Variants in EYS observed in about 807,000 individuals in gnomAD.
EYS encodes the protein protein eyes shut homolog.
A neutral mutation model predicts 282.1 loss-of-function variants in EYS; 250 were observed. The observed-to-expected ratio is 0.89, with a 90% CI of 0.80 to 0.98. The LOEUF (loss-of-function observed/expected upper bound fraction) is 0.98. Among genes scored for constraint, EYS ranks in the 50% least tolerant of loss-of-function variants. The pLI is 0.00. For missense variants in EYS, 4,016 were observed against 3,709.0 expected (o/e 1.08, Z -2.15); for synonymous variants, 1,355 against 1,282.9 (o/e 1.06, Z -1.20).
intron 26 of EYS, among the ~76,000 whole-genome samples, chr6:64,539,528 A>G (rs1042567590): frequency 2.0e-5 from 3 of 152,266 alleles, no homozygotes; most frequent in South Asian, 4.1e-4. Flanking sequence ...AGATGATTAT[A>G]CCACTGCACT....
chr6:65,600,109 A>G (rs1282370497), intron 2 of EYS, among the ~76,000 whole-genome samples: 5 of 151,906 alleles, frequency 3.3e-5, no homozygotes, highest in Non-Finnish European at 7.4e-5. Context: ...CTATAATTTC[A>G]TTTTCCTTCA....
At chr6:64,108,363 T>C (rs1034619379) in intron 31 of EYS, among the ~76,000 whole-genome samples, 2 of 152,108 alleles carry the variant, frequency 1.3e-5, no homozygotes, top group Non-Finnish European at 2.9e-5. Flanking sequence ...TTGAGGGCTG[T>C]TGTTTGCCTT....
In EYS at chr6:64,798,357, CA is replaced by C. The variant is rs545415469; in HGVS notation, c.3443+15020del. On this transcript the variant is annotated intron_variant, in intron 22 of 42. Coordinates refer to ENST00000503581, the MANE Select transcript of EYS (RefSeq NM_001142800.2). ...CAGATATAAGAAGCTTAGGAGATATCAAAAAATATGTTTAAAAATAAGCTAT... is the reference window on the plus strand; with the variant it reads ...CAGATATAAGAAGCTTAGGAGATATCAAAAATATGTTTAAAAATAAGCTAT... Among the ~76,000 whole-genome samples the C allele has an allele frequency of 9.4e-4, 143 of 151,856 alleles. 1 individual carries two copies. The highest frequency in any genetic ancestry group is 4.2e-3 in the Admixed American group (64 of 15,250).
At chr6:64,443,386 A>C (rs1582759061) in intron 26 of EYS, among the ~76,000 whole-genome samples, 1 of 152,206 alleles carries the variant, frequency 6.6e-6, no homozygotes, top group Admixed American at 6.5e-5. Context: ...GTCTCAGATG[A>C]GTCTTTGGAC....
intron 2 of EYS, among the ~76,000 whole-genome samples, chr6:65,562,372 T>C (rs1361930633): frequency 2.0e-5 from 3 of 152,072 alleles, no homozygotes; most frequent in Admixed American, 2.0e-4. Context: ...TAATATATTT[T>C]AATAGTCACC....
intron 29 of EYS, among the ~76,000 whole-genome samples, chr6:64,377,163 T>G (rs571900666): frequency 1.4e-3 from 210 of 152,266 alleles, no homozygotes; most frequent in Non-Finnish European, 2.4e-3. Context: ...AATTTCTCAT[T>G]TATTTTTGTC....
At chr6:64,092,762 A>G (rs1231442472) in intron 31 of EYS, among the ~76,000 whole-genome samples, 1 of 151,272 alleles carries the variant, frequency 6.6e-6, no homozygotes, top group Non-Finnish European at 1.5e-5. Flanking sequence ...GTCTAATTAG[A>G]TCCCATTTGT....
rs1473353069 is a variant in EYS, at chr6:65,669,837, G to C, written c.-447-29945C>G. ...ACTATGGCTTTGTCACACAGGAATG[G>C]CATGATCTGGAAAAAATGGGTTAAA... On this transcript the variant is annotated intron_variant, in intron 1 of 42. Coordinates refer to ENST00000503581, the MANE Select transcript of EYS (RefSeq NM_001142800.2). Among the ~76,000 whole-genome samples, 4 of 152,018 alleles carry C rather than the reference G, an allele frequency of 2.6e-5. No individual in the cohort carries two copies. The East Asian group carries it at 5.8e-4, about 22-fold the overall frequency.
chr6:64,644,505 C>G (rs1023433541), intron 22 of EYS, among the ~76,000 whole-genome samples: 4 of 152,016 alleles, frequency 2.6e-5, no homozygotes, highest in Admixed American at 2.6e-4. Context: ...GTGCAATATG[C>G]TTTTAGGAAT....
chr6:65,070,811 A>C (rs1257747304), intron 12 of EYS, among the ~76,000 whole-genome samples: 1 of 151,848 alleles, frequency 6.6e-6, no homozygotes, highest in Non-Finnish European at 1.5e-5. Flanking sequence ...ACTCAACTGT[A>C]AACAGAACAG....
At chr6:63,812,963 T>C (rs1279142797) in intron 36 of EYS, among the ~76,000 whole-genome samples, 1 of 152,172 alleles carries the variant, frequency 6.6e-6, no homozygotes, top group Non-Finnish European at 1.5e-5. Context: ...ACCCCTAACC[T>C]GACAAATCAG....
intron 11 of EYS, among the ~76,000 whole-genome samples, chr6:65,322,817 A>C (rs868664556): frequency 1.9e-4 from 29 of 150,564 alleles, no homozygotes; most frequent in Middle Eastern, 6.8e-3. Flanking sequence ...AAAAAAAGAA[A>C]AAAGAAAAAA....
At chr6:64,225,152 C>A (rs370601654) in intron 31 of EYS, among the ~76,000 whole-genome samples, 5 of 151,972 alleles carry the variant, frequency 3.3e-5, no homozygotes, top group African/African-American at 1.2e-4. Context: ...CATTGAACAT[C>A]CTTTGATACA....
chr6:64,822,636 A>G lies in EYS; in HGVS notation c.3164+15T>C, dbSNP rs1406268187. The G allele has an allele frequency of 2.1e-6, 3 of 1,462,344 alleles. No individual in the cohort carries two copies. Among genetic ancestry groups the G allele is most frequent in the Non-Finnish European group, 2.7e-6 (3 of 1,096,906 alleles). 90.6% of individuals were successfully genotyped at this position (1,462,344 alleles called of 1,614,324 possible). On this transcript the variant is annotated intron_variant, in intron 20 of 42. Coordinates refer to ENST00000503581, the MANE Select transcript of EYS (RefSeq NM_001142800.2). ...AATATACTTTCATAAAGCTAATAAT[A>G]AAAAAAATAGCTACCTTCCATGTAG... is the stretch of plus-strand genomic sequence containing the variant.
intron 8 of EYS, among the ~76,000 whole-genome samples, chr6:65,353,969 C>T (rs1000170365): frequency 3.9e-5 from 6 of 151,976 alleles, no homozygotes; most frequent in East Asian, 3.9e-4. Flanking sequence ...ACACTTATAA[C>T]GGTTGAATTA....
At chr6:65,482,235 A>G (rs1765634708) in intron 5 of EYS, among the ~76,000 whole-genome samples, 1 of 152,240 alleles carries the variant, frequency 6.6e-6, no homozygotes, top group Non-Finnish European at 1.5e-5. Flanking sequence ...TGCCTATTCA[A>G]TGCCTTAAAA....
rs768173246 is a variant in EYS, at chr6:65,494,667, A to C, written c.744T>G (p.Phe248Leu). The stretch of plus-strand genomic sequence containing the variant: ...ATATATTTTAAACAATCTTACCTGT[A>C]AATGGTGGGTGACAGACACATTCAT... ...QAYECVCHPP[F>L]TGKNCSEIIG... is the part of the protein sequence containing the mutation. The change falls in exon 4 of 43, where the codon TTT becomes TTG. Residue 248 changes from phenylalanine to leucine, a missense_variant. Phe to Leu is a conservative substitution (Grantham distance 22). Transcript: ENST00000503581. 3.4e-5 allele frequency: 53 copies of C among 1,559,356 alleles called. No homozygotes were observed. The highest frequency in any genetic ancestry group is 7.6e-5 in the Admixed American group (4 of 52,636).
At chr6:65,694,601 A>T (rs1349398880) in intron 1 of EYS, among the ~76,000 whole-genome samples, 2 of 150,166 alleles carry the variant, frequency 1.3e-5, no homozygotes, top group Non-Finnish European at 3.0e-5. Flanking sequence ...TATAGTTAAC[A>T]GTGTACTTTC....
chr6:65,550,165 T>TATCTCGACTAC, intron 2 of EYS, among the ~76,000 whole-genome samples: 4 of 9,314 alleles, frequency 4.3e-4, no homozygotes, highest in East Asian at 8.2e-3. Context: ...TTTTTTTTTT[T>TATCTCGACTAC]TTTTTTTTTT....
Sources: gnomAD v4.1 joint callset for allele counts (sites outside exome capture counted in the v4.1 genomes callset) on GRCh38, gnomAD v4.1.1 for gene constraint, MANE v1.5 for transcripts, NCBI Gene and HGNC (gene_info 2026-07-23, HGNC 2026-07-21) for gene names.